Variants in MNAT1 observed in about 807,000 individuals in gnomAD.
The protein encoded by MNAT1 is MNAT1 component of CDK activating kinase.
A neutral mutation model predicts 42.0 loss-of-function variants in MNAT1; 43 were observed. The observed-to-expected ratio is 1.02, with a 90% CI of 0.80 to 1.32. MNAT1 has a LOEUF of 1.32. Among genes scored for constraint, MNAT1 ranks in the 40% most tolerant of loss-of-function variants. MNAT1 has a pLI of 0.00. For missense variants in MNAT1, 306 were observed against 350.4 expected (o/e 0.87, Z 1.01); for synonymous variants, 118 against 120.0 (o/e 0.98, Z 0.11).
At chr14:60,962,878 T>C (rs2036620355) in intron 7 of MNAT1, among the ~76,000 whole-genome samples, 2 of 152,236 alleles carry the variant, frequency 1.3e-5, no homozygotes, top group South Asian at 4.1e-4. Flanking sequence ...TTATTCAAAT[T>C]GTATTCTCAC....
chr14:60,932,016 TACTC>T (rs1424193884), intron 7 of MNAT1, among the ~76,000 whole-genome samples: 1 of 152,048 alleles, frequency 6.6e-6, no homozygotes, highest in Non-Finnish European at 1.5e-5. Flanking sequence ...TCATACTTCT[TACTC>T]TTACTAATTT....
chr14:60,736,799 T>C (rs1896321715), intron 1 of MNAT1, among the ~76,000 whole-genome samples: 1 of 152,206 alleles, frequency 6.6e-6, no homozygotes, highest in Admixed American at 6.5e-5. Context: ...CCTTAAGTAT[T>C]AAATAATATA....
intron 7 of MNAT1, among the ~76,000 whole-genome samples, chr14:60,892,549 C>G (rs1191563757): frequency 6.6e-6 from 1 of 151,948 alleles, no homozygotes; most frequent in Non-Finnish European, 1.5e-5. Flanking sequence ...TTTATGTATT[C>G]TACCAATTTC....
At chr14:60,777,473 A>G (rs957271773) in intron 1 of MNAT1, among the ~76,000 whole-genome samples, 1 of 149,956 alleles carries the variant, frequency 6.7e-6, no homozygotes, top group Non-Finnish European at 1.5e-5. Flanking sequence ...TCTATTTTAA[A>G]ATTTTGATGT....
At chr14:60,933,054 G>A (rs1355482779) in intron 7 of MNAT1, among the ~76,000 whole-genome samples, 1 of 151,952 alleles carries the variant, frequency 6.6e-6, no homozygotes, top group East Asian at 1.9e-4. Flanking sequence ...AACATTCTGT[G>A]TCTTTGTTTC....
chr14:60,846,311 T>A (rs2033681413), intron 6 of MNAT1, among the ~76,000 whole-genome samples: 1 of 152,136 alleles, frequency 6.6e-6, no homozygotes, highest in East Asian at 1.9e-4. Flanking sequence ...CTTCTCTTTT[T>A]TTTCCCTTGG....
Position 60,950,750 on chromosome 14 carries a change from C to T in MNAT1, c.810-17479C>T, listed in dbSNP as rs4151391. Among the ~76,000 whole-genome samples the T allele has an allele frequency of 4.8e-3, 730 of 152,232 alleles. 2 individuals carry two copies. The highest frequency in any genetic ancestry group is 0.025 in the East Asian group (130 of 5,180). On this transcript the variant is annotated intron_variant, in intron 7 of 7. Transcript: ENST00000261245. ...CTTCATTCAAACCCCTTTCATCTTT[C>T]GACGAAGCTTCATAATTTGTGGTGA... is the stretch of plus-strand genomic sequence containing the variant.
chr14:60,934,062 TG>T, intron 7 of MNAT1, among the ~76,000 whole-genome samples: 1 of 152,280 alleles, frequency 6.6e-6, no homozygotes, highest in South Asian at 2.1e-4. Flanking sequence ...AAGGTAGAGA[TG>T]TACATAAGCT....
Position 60,911,821 on chromosome 14 carries a change from T to C in MNAT1, c.809+31986T>C, listed in dbSNP as rs1286053637. ...TGGTGATTTGGGGTGGAGAGTTCTG[T>C]AGATGTGTATTAGGTCCGCTTGGTG... On this transcript the variant is annotated intron_variant, in intron 7 of 7. Transcript: ENST00000261245. 3.9e-5 allele frequency among the ~76,000 whole-genome samples: 6 copies of C among 152,158 alleles called. No homozygotes were observed. In the South Asian group the frequency reaches 6.2e-4, roughly 16 times the overall value.
intron 7 of MNAT1, among the ~76,000 whole-genome samples, chr14:60,884,698 CTT>C (rs766212672): frequency 1.3e-4 from 20 of 151,966 alleles, no homozygotes; most frequent in Non-Finnish European, 2.4e-4. Context: ...ATTGATTTAT[CTT>C]TTAGTTTTCC....
chr14:60,802,869 T>C (rs989362906), intron 3 of MNAT1, among the ~76,000 whole-genome samples: 2 of 152,102 alleles, frequency 1.3e-5, no homozygotes, highest in Non-Finnish European at 2.9e-5. Flanking sequence ...TAAGTTTTGT[T>C]AGAGTGTGGC....
chr14:60,924,636 C>CT (rs5809072), intron 7 of MNAT1, among the ~76,000 whole-genome samples: 138,694 of 152,116 alleles, frequency 0.91, 64,011 homozygotes, highest in Non-Finnish European at 0.99. Flanking sequence ...ATCACCCTCC[C>CT]TGACTCTCAA....
intron 7 of MNAT1, 124 bp downstream of exon 7, chr14:60,879,959 A>C: frequency 1.8e-6 from 2 of 1,088,680 alleles, no homozygotes; most frequent in Non-Finnish European, 2.6e-6. Flanking sequence ...TGAAAAATGA[A>C]CAGTACTCAA....
chr14:60,748,940 C>T (rs777779506), intron 1 of MNAT1, among the ~76,000 whole-genome samples: 13 of 152,096 alleles, frequency 8.5e-5, no homozygotes, highest in Non-Finnish European at 7.4e-5. Context: ...ACTGGTGGTA[C>T]AGTAGGTTTG....
At chr14:60,832,743 G>A (rs1472993411) in intron 6 of MNAT1, among the ~76,000 whole-genome samples, 1 of 151,916 alleles carries the variant, frequency 6.6e-6, no homozygotes, top group Non-Finnish European at 1.5e-5. Flanking sequence ...GATAGGGATA[G>A]GATTGACTGT....
intron 6 of MNAT1, among the ~76,000 whole-genome samples, chr14:60,842,249 T>C (rs1205731275): frequency 6.6e-6 from 1 of 152,262 alleles, no homozygotes; most frequent in East Asian, 1.9e-4. Flanking sequence ...TATCTGCTCC[T>C]TACAGAAAAT....
At chr14:60,889,173 G>C (rs1245919598) in intron 7 of MNAT1, among the ~76,000 whole-genome samples, 2 of 152,170 alleles carry the variant, frequency 1.3e-5, no homozygotes, top group African/African-American at 4.8e-5. Flanking sequence ...CAAAGCTGGA[G>C]GCATCACACT....
intron 1 of MNAT1, among the ~76,000 whole-genome samples, chr14:60,785,595 T>C (rs974521397): frequency 6.6e-6 from 1 of 152,202 alleles, no homozygotes; most frequent in African/African-American, 2.4e-5. Context: ...TAGCCCCACA[T>C]TCTCTGTATG....
At chr14:60,927,603 G>C (rs1360380689) in intron 7 of MNAT1, among the ~76,000 whole-genome samples, 1 of 152,142 alleles carries the variant, frequency 6.6e-6, no homozygotes, top group East Asian at 1.9e-4. Context: ...TTTATGTTTA[G>C]ATTTATCGTT....
Sources: allele counts gnomAD v4.1 joint callset (sites outside exome capture counted in the v4.1 genomes callset), GRCh38; gene constraint gnomAD v4.1.1; transcripts MANE v1.5; gene names NCBI Gene and HGNC (gene_info 2026-07-23, HGNC 2026-07-21).